The following FOXP1 variants were observed in gnomAD, a reference collection of about 807,000 sequenced individuals.
The protein encoded by FOXP1 is forkhead box P1.
A neutral mutation model predicts 98.2 loss-of-function variants in FOXP1; 15 were observed. That is an observed-to-expected ratio of 0.15 (90% CI 0.10 to 0.24). FOXP1 has a LOEUF of 0.24. FOXP1 is among the 10% of genes least tolerant of loss of function. The pLI, the probability that FOXP1 is intolerant of heterozygous loss-of-function variation, is 1.00. For synonymous variants in FOXP1, 371 were observed against 314.5 expected (o/e 1.18, Z -1.90); for missense variants, 633 against 848.5 (o/e 0.75, Z 3.15).
chr3:71,248,894 G>A (rs1412542756), intron 5 of FOXP1, among the ~76,000 whole-genome samples: 2 of 152,198 alleles, frequency 1.3e-5, no homozygotes, highest in African/African-American at 4.8e-5. Context: ...CAGGCCTGGT[G>A]TGGAGTCCTT....
chr3:71,233,592 C>CT (rs34054213), intron 5 of FOXP1, among the ~76,000 whole-genome samples: 4,239 of 108,598 alleles, frequency 0.039, 103 homozygotes, highest in Non-Finnish European at 0.055. Flanking sequence ...ATGTTTGACT[C>CT]TTTTTTTTTT....
At chr3:71,423,685 T>C (rs998137010) in intron 3 of FOXP1, among the ~76,000 whole-genome samples, 1 of 152,208 alleles carries the variant, frequency 6.6e-6, no homozygotes, top group Non-Finnish European at 1.5e-5. Context: ...GGCTGGCCTG[T>C]GTGGATTTCT....
intron 5 of FOXP1, among the ~76,000 whole-genome samples, chr3:71,269,260 G>GA (rs1346189699): frequency 5.9e-5 from 9 of 151,706 alleles, no homozygotes; most frequent in Non-Finnish European, 1.5e-5. Flanking sequence ...AATTTATGAA[G>GA]AAACAGGTGA....
At chr3:71,550,121 A>T (rs1211498735) in intron 2 of FOXP1, among the ~76,000 whole-genome samples, 2 of 152,188 alleles carry the variant, frequency 1.3e-5, no homozygotes, top group African/African-American at 4.8e-5. Flanking sequence ...GCCCTAACAC[A>T]GTTTATTCTT....
intron 6 of FOXP1, among the ~76,000 whole-genome samples, chr3:71,132,371 G>C (rs2059616146): frequency 6.6e-6 from 1 of 152,126 alleles, no homozygotes; most frequent in Non-Finnish European, 1.5e-5. Flanking sequence ...ACACCTAGTA[G>C]CTTTTAAGCC....
In FOXP1 at chr3:71,084,769, A is replaced by G. The variant is rs564548037; in HGVS notation, c.282+27767T>C. 4.0e-4 allele frequency among the ~76,000 whole-genome samples: 61 copies of G among 152,312 alleles called. 1 individual carries two copies. Among genetic ancestry groups the G allele is most frequent in the Admixed American group, 3.8e-3 (58 of 15,300 alleles). ...CATTGTTGGCCAGGCGCAGTGGCTCATGCCTGTAATCCCAGAACTTTGGGA... is the reference window on the plus strand; with the variant it reads ...CATTGTTGGCCAGGCGCAGTGGCTCGTGCCTGTAATCCCAGAACTTTGGGA... On this transcript the variant is annotated intron_variant, in intron 7 of 20. Coordinates refer to ENST00000649528, the MANE Select transcript of FOXP1 (RefSeq NM_001349338.3).
At chr3:71,435,234 A>AGCAGGGAG (rs1394449140) in intron 3 of FOXP1, among the ~76,000 whole-genome samples, 2 of 20,822 alleles carry the variant, frequency 9.6e-5, no homozygotes, top group Non-Finnish European at 3.4e-4. Context: ...GAAGGAAGGA[A>AGCAGGGAG]GAAGGGAGGA....
chr3:71,063,703 T>C (rs1177186844), intron 7 of FOXP1, among the ~76,000 whole-genome samples: 3 of 152,208 alleles, frequency 2.0e-5, no homozygotes, highest in Admixed American at 6.5e-5. Flanking sequence ...TTCCCCCACA[T>C]GTGTCACTTT....
chr3:71,408,994 C>T (rs954262115), intron 3 of FOXP1, among the ~76,000 whole-genome samples: 2 of 152,142 alleles, frequency 1.3e-5, no homozygotes, highest in Non-Finnish European at 2.9e-5. Flanking sequence ...TGCTGACATT[C>T]CCCCAGAGAA....
intron 7 of FOXP1, among the ~76,000 whole-genome samples, chr3:71,092,431 G>A (rs993565474): frequency 4.6e-5 from 7 of 151,912 alleles, no homozygotes; most frequent in Non-Finnish European, 1.0e-4. Flanking sequence ...TAAGAGGGAG[G>A]GCAAGTACAG....
chr3:71,167,441 G>A (rs977587379), intron 6 of FOXP1, among the ~76,000 whole-genome samples: 4 of 152,154 alleles, frequency 2.6e-5, no homozygotes, highest in African/African-American at 9.7e-5. Flanking sequence ...AAGAGAGCAC[G>A]TGTGAATTTT....
At chr3:71,505,812 T>G (rs1176836693) in intron 2 of FOXP1, among the ~76,000 whole-genome samples, 1 of 152,140 alleles carries the variant, frequency 6.6e-6, no homozygotes, top group African/African-American at 2.4e-5. Flanking sequence ...ATCGTCCCCC[T>G]TCCTCTCCTA....
At chr3:71,560,537 A>G (rs1388696054) in intron 2 of FOXP1, among the ~76,000 whole-genome samples, 2 of 152,212 alleles carry the variant, frequency 1.3e-5, no homozygotes, top group Non-Finnish European at 2.9e-5. Flanking sequence ...CATATGGCCC[A>G]GTCACTCCAC....
intron 4 of FOXP1, among the ~76,000 whole-genome samples, chr3:71,301,774 T>C (rs1007353403): frequency 6.6e-6 from 1 of 152,194 alleles, no homozygotes; most frequent in African/African-American, 2.4e-5. Flanking sequence ...CAGTGCTGCA[T>C]TTGAACCTGC....
rs559242503 is a variant in FOXP1 at position 71,219,922 on chromosome 3, C to A, written c.-11-21530G>T. On this transcript the variant is annotated intron_variant, in intron 5 of 20. Transcript: ENST00000649528. ...TCTACACTGTAGCCACACTTAACAACCAGCTGCTTCTCAGGCATGCAGAGT... is the reference window on the plus strand; with the variant it reads ...TCTACACTGTAGCCACACTTAACAAACAGCTGCTTCTCAGGCATGCAGAGT... Among the ~76,000 whole-genome samples, 8 of 152,264 alleles carry A rather than the reference C, an allele frequency of 5.3e-5. No individual in the cohort carries two copies. The South Asian group carries it at 1.2e-3, about 24-fold the overall frequency.
At chr3:71,381,033 T>C (rs972419919) in intron 3 of FOXP1, among the ~76,000 whole-genome samples, 1 of 152,216 alleles carries the variant, frequency 6.6e-6, no homozygotes, top group African/African-American at 2.4e-5. Context: ...ATGAATGTCC[T>C]TTTTTCTTTT....
intron 3 of FOXP1, among the ~76,000 whole-genome samples, chr3:71,425,667 C>G (rs1465573314): frequency 1.3e-5 from 2 of 151,714 alleles, no homozygotes; most frequent in Non-Finnish European, 2.9e-5. Flanking sequence ...CATAATAACT[C>G]AACTTTTGTT....
chr3:71,243,893 GAGC>G (rs1264607623), intron 5 of FOXP1, among the ~76,000 whole-genome samples: 3 of 152,104 alleles, frequency 2.0e-5, no homozygotes, highest in Non-Finnish European at 4.4e-5. Flanking sequence ...GGCTCCAACA[GAGC>G]ACCAGATTAC....
At chr3:71,063,984 C>T (rs1020788594) in intron 7 of FOXP1, among the ~76,000 whole-genome samples, 1 of 152,176 alleles carries the variant, frequency 6.6e-6, no homozygotes, top group Non-Finnish European at 1.5e-5. Flanking sequence ...GTCCTTCATG[C>T]AGTTCTGACA....
Sources: allele counts gnomAD v4.1 joint callset (sites outside exome capture counted in the v4.1 genomes callset), GRCh38; gene constraint gnomAD v4.1.1; transcripts MANE v1.5; gene names NCBI Gene and HGNC (gene_info 2026-07-23, HGNC 2026-07-21).